The following TRABD2B variants were observed in gnomAD, a reference collection of about 807,000 sequenced individuals.
TRABD2B encodes the protein metalloprotease TIKI2.
TRABD2B carries 14 observed loss-of-function variants against 40.1 expected under a neutral mutation model. That is an observed-to-expected ratio of 0.35 (90% CI 0.23 to 0.55). TRABD2B has a LOEUF of 0.55. Among genes scored for constraint, TRABD2B ranks in the 20% least tolerant of loss-of-function variants. The pLI is 0.90. For missense variants in TRABD2B, 541 were observed against 648.6 expected (o/e 0.83, Z 1.80); for synonymous variants, 263 against 277.0 (o/e 0.95, Z 0.50).
intron 2 of TRABD2B, among the ~76,000 whole-genome samples, chr1:47,856,506 A>G (rs1049468516): frequency 1.3e-5 from 2 of 152,230 alleles, no homozygotes; most frequent in African/African-American, 4.8e-5. Flanking sequence ...TTGAAAAGGC[A>G]TTTTGAGGTG....
At chr1:47,804,717 GT>G (rs1393521764) in intron 2 of TRABD2B, among the ~76,000 whole-genome samples, 1 of 152,204 alleles carries the variant, frequency 6.6e-6, no homozygotes, top group Non-Finnish European at 1.5e-5. Context: ...CTGGATAAGT[GT>G]TTGTTAAATA....
At chr1:47,834,910 A>C (rs1009251657) in intron 2 of TRABD2B, among the ~76,000 whole-genome samples, 1 of 152,168 alleles carries the variant, frequency 6.6e-6, no homozygotes, top group African/African-American at 2.4e-5. Context: ...CATAAATAGG[A>C]GAAAAAAGCA....
rs72894259 is a variant in TRABD2B, at chr1:47,867,700, C to A, written c.667-66081G>T. On this transcript the variant is annotated intron_variant, in intron 2 of 6. Coordinates refer to ENST00000606738, the MANE Select transcript of TRABD2B (RefSeq NM_001194986.2). ...CAGTCAGAACAGGATGTTTAACTTT[C>A]GTCCTTTATGAGAAAAAAAAATGAT... 7.6e-3 allele frequency among the ~76,000 whole-genome samples: 1,158 copies of A among 152,138 alleles called. 10 individuals carry two copies. Among genetic ancestry groups the A allele is most frequent in the African/African-American group, 0.027 (1,104 of 41,490 alleles).
At chr1:47,972,053 C>G (rs1645689111) in intron 2 of TRABD2B, among the ~76,000 whole-genome samples, 1 of 152,126 alleles carries the variant, frequency 6.6e-6, no homozygotes, top group Non-Finnish European at 1.5e-5. Context: ...GCCAAGCATG[C>G]AACTAACTGA....
Position 47,901,281 on chromosome 1 carries a change from G to C in TRABD2B, c.666+92753C>G, listed in dbSNP as rs181261784. ...TTCTTCTGCCTGGAGGCCAGCCCAA[G>C]AAATAAAGGGATCTGCCATTATCTT... On this transcript the variant is annotated intron_variant, in intron 2 of 6. Coordinates refer to ENST00000606738, the MANE Select transcript of TRABD2B (RefSeq NM_001194986.2). 9.5e-4 allele frequency among the ~76,000 whole-genome samples: 145 copies of C among 152,338 alleles called. 1 individual carries two copies. Among genetic ancestry groups the C allele is most frequent in the Middle Eastern group, 3.4e-3 (1 of 294 alleles).
In TRABD2B at chr1:47,863,319, A is replaced by AATAT. The variant is rs35095627; in HGVS notation, c.667-61704_667-61701dup. Among the ~76,000 whole-genome samples, 579 of 127,478 alleles carry AATAT rather than the reference A, an allele frequency of 4.5e-3. 3 individuals carry two copies. The highest frequency in any genetic ancestry group is 0.011 in the African/African-American group (393 of 34,976). The allele number at this position is 127,478 out of a possible 152,430, so 83.6% of individuals were successfully genotyped here. ...TATTTGCAAAAGACTGATAAATATA[A>AATAT]ATATATATATATATATAGGATAACT... On this transcript the variant is annotated intron_variant, in intron 2 of 6. Transcript: ENST00000606738.
chr1:47,987,972 G>A (rs1159738640), intron 2 of TRABD2B, among the ~76,000 whole-genome samples: 2 of 152,194 alleles, frequency 1.3e-5, no homozygotes, highest in Admixed American at 6.5e-5. Flanking sequence ...TGACTTCCTG[G>A]GAGAAAAGGC....
At chr1:47,815,333 G>A (rs1440564984) in intron 2 of TRABD2B, among the ~76,000 whole-genome samples, 1 of 152,170 alleles carries the variant, frequency 6.6e-6, no homozygotes, top group African/African-American at 2.4e-5. Context: ...TGGGAGGGCG[G>A]GCTGTATGTG....
intron 2 of TRABD2B, among the ~76,000 whole-genome samples, chr1:47,810,363 C>T (rs1644948129): frequency 6.6e-6 from 1 of 152,060 alleles, no homozygotes; most frequent in African/African-American, 2.4e-5. Flanking sequence ...TGCCATCACC[C>T]CCTGCCCCCC....
chr1:47,816,621 A>G (rs1158030413), intron 2 of TRABD2B, among the ~76,000 whole-genome samples: 2 of 151,328 alleles, frequency 1.3e-5, no homozygotes, highest in Non-Finnish European at 2.9e-5. Flanking sequence ...CTCAAGTACC[A>G]CCTCCTGCAC....
chr1:47,855,727 G>A (rs946495551), intron 2 of TRABD2B, among the ~76,000 whole-genome samples: 5 of 152,198 alleles, frequency 3.3e-5, no homozygotes, highest in African/African-American at 1.2e-4. Context: ...TCATGAAGGT[G>A]GAGCCCTCAT....
At chr1:47,803,517 C>T (rs1288951710) in intron 2 of TRABD2B, among the ~76,000 whole-genome samples, 1 of 152,156 alleles carries the variant, frequency 6.6e-6, no homozygotes, top group East Asian at 1.9e-4. Context: ...TGCCAATCCC[C>T]ATACATGCAA....
At chr1:47,786,874 T>A (rs1644602521) in intron 4 of TRABD2B, among the ~76,000 whole-genome samples, 2 of 152,126 alleles carry the variant, frequency 1.3e-5, no homozygotes, top group East Asian at 3.9e-4. Flanking sequence ...ACTGGCAAAT[T>A]TTTTTATTTT....
At chr1:47,888,306 G>A (rs369373386) in intron 2 of TRABD2B, among the ~76,000 whole-genome samples, 121 of 152,336 alleles carry the variant, frequency 7.9e-4, no homozygotes, top group African/African-American at 2.5e-3. Context: ...AATTCCCTCT[G>A]ATGGGCTGAA....
rs1295804215 is a variant in TRABD2B, at chr1:47,765,941, G to A, written c.1515C>T (p.Ile505=). 1 of 702,896 alleles carries A rather than the reference G, an allele frequency of 1.4e-6. No homozygotes were observed. Among genetic ancestry groups the A allele is most frequent in the African/African-American group, 1.7e-5 (1 of 57,274 alleles). 43.5% of individuals were successfully genotyped at this position (702,896 alleles called of 1,614,324 possible). Residue 505 remains isoleucine, a synonymous_variant, in exon 7 of 7, where the codon ATC becomes ATT. Coordinates refer to ENST00000606738, the MANE Select transcript of TRABD2B (RefSeq NM_001194986.2). The stretch of plus-strand genomic sequence containing the variant: ...GGCTATGCAGCAGGAAGCAGACAGC[G>A]ATGGTGGTGGCGATGGCGGGGAGAA... ...LGLLPAIATT[I]AVCFLLHSLG...
rs147597961 is a variant in TRABD2B at position 47,924,420 on chromosome 1, T to A, written c.666+69614A>T. Reference sequence around the variant, plus strand: ...TACACCTGATGCTCAGAACGTGGACTCCTACCCCGGTACATGGTCCCTTAA... The same window carrying A: ...TACACCTGATGCTCAGAACGTGGACACCTACCCCGGTACATGGTCCCTTAA... On this transcript the variant is annotated intron_variant, in intron 2 of 6. Transcript: ENST00000606738. Among the ~76,000 whole-genome samples, 548 of 152,274 alleles carry A rather than the reference T, an allele frequency of 3.6e-3. 6 individuals carry two copies. The highest frequency in any genetic ancestry group is 0.012 in the African/African-American group (505 of 41,556).
intron 6 of TRABD2B, among the ~76,000 whole-genome samples, chr1:47,769,382 T>A (rs987018147): frequency 2.0e-5 from 3 of 152,158 alleles, no homozygotes; most frequent in South Asian, 2.1e-4. Context: ...ATGAATACTA[T>A]GTCTCACAAG....
intron 2 of TRABD2B, among the ~76,000 whole-genome samples, chr1:47,966,062 A>G (rs1320421852): frequency 6.6e-6 from 1 of 152,210 alleles, no homozygotes; most frequent in African/African-American, 2.4e-5. Context: ...CGCTGTTTAC[A>G]AAAAGGCCTA....
rs1262651356 is a variant in TRABD2B at position 47,762,832 on chromosome 1, A to G, written c.*3070T>C. On this transcript the variant is annotated 3_prime_UTR_variant, in exon 7 of 7. Coordinates refer to ENST00000606738, the MANE Select transcript of TRABD2B (RefSeq NM_001194986.2). ...CCCACCACTGGAGGAAGACCTGGGGACATGGCCATTCCAACATGCCCCAGA... is the reference window on the plus strand; with the variant it reads ...CCCACCACTGGAGGAAGACCTGGGGGCATGGCCATTCCAACATGCCCCAGA... 2.6e-5 allele frequency: 4 copies of G among 152,088 alleles called. No individual in the cohort carries two copies. Among genetic ancestry groups the G allele is most frequent in the Non-Finnish European group, 5.9e-5 (4 of 68,036 alleles). The allele number at this position is 152,088 out of a possible 1,614,324, so 9.4% of individuals were successfully genotyped here.
Sources: allele counts gnomAD v4.1 joint callset (sites outside exome capture counted in the v4.1 genomes callset), GRCh38; gene constraint gnomAD v4.1.1; transcripts MANE v1.5; gene names NCBI Gene and HGNC (gene_info 2026-07-23, HGNC 2026-07-21).